Variants in NBAS observed in about 807,000 individuals in gnomAD.
NBAS encodes NBAS subunit of NRZ tethering complex.
Under a neutral mutation model 302.5 loss-of-function variants are expected in NBAS, and 219 were observed. The observed-to-expected ratio is 0.72, with a 90% CI of 0.65 to 0.81. NBAS has a LOEUF of 0.81. Among genes scored for constraint, NBAS ranks in the 30% least tolerant of loss-of-function variants. The pLI is 0.00. For missense variants in NBAS, 2,932 were observed against 2,841.6 expected (o/e 1.03, Z -0.72); for synonymous variants, 1,118 against 1,021.6 (o/e 1.09, Z -1.80).
At chr2:15,128,527 C>G in the NBAS span, among the ~76,000 whole-genome samples, 1 of 152,148 alleles carries the variant, frequency 6.6e-6, no homozygotes, top group East Asian at 1.9e-4. Context: ...AGAGATGAGA[C>G]ACACACATAA....
the NBAS span, among the ~76,000 whole-genome samples, chr2:14,937,734 G>A: frequency 7.9e-5 from 12 of 152,280 alleles, no homozygotes; most frequent in East Asian, 1.9e-4. Context: ...AGGGGGCTCC[G>A]AGGCTTCTTG....
intron 21 of NBAS, among the ~76,000 whole-genome samples, chr2:15,457,164 C>T (rs7572509): frequency 0.51 from 76,704 of 151,778 alleles, 22,862 homozygotes; most frequent in Non-Finnish European, 0.67. Flanking sequence ...AGCCTCCTAA[C>T]AGCTGGCTGA....
intron 44 of NBAS, among the ~76,000 whole-genome samples, chr2:15,239,734 A>G (rs1238757862): frequency 1.3e-5 from 2 of 151,994 alleles, no homozygotes; most frequent in East Asian, 1.9e-4. Flanking sequence ...TGTTAGGATT[A>G]TGAGCTATTT....
At chr2:15,133,007 TAA>T in the NBAS span, among the ~76,000 whole-genome samples, 8 of 152,324 alleles carry the variant, frequency 5.3e-5, 1 homozygote, top group South Asian at 1.7e-3. Flanking sequence ...GAATAAGAAA[TAA>T]GTTATCAAAA....
At chr2:15,486,232 T>C (rs562464647) in intron 12 of NBAS, among the ~76,000 whole-genome samples, 1 of 152,288 alleles carries the variant, frequency 6.6e-6, no homozygotes, top group African/African-American at 2.4e-5. Flanking sequence ...ACGTCCATGG[T>C]TTTCAGTTTT....
At chr2:15,019,942 T>A in the NBAS span, among the ~76,000 whole-genome samples, 1 of 152,168 alleles carries the variant, frequency 6.6e-6, no homozygotes, top group Admixed American at 6.5e-5. Context: ...AACTCTATAG[T>A]ACTTTGTTAT....
the NBAS span, among the ~76,000 whole-genome samples, chr2:14,797,287 C>T: frequency 6.6e-6 from 1 of 152,116 alleles, no homozygotes; most frequent in Admixed American, 6.5e-5. Flanking sequence ...CATGTAACCT[C>T]ATTCTTCTTG....
chr2:15,155,974 G>A, the NBAS span, among the ~76,000 whole-genome samples: 1 of 152,186 alleles, frequency 6.6e-6, no homozygotes, highest in South Asian at 2.1e-4. Context: ...GAACAAGGAA[G>A]AACCCAGAGT....
At chr2:14,790,649 C>CT in the NBAS span, among the ~76,000 whole-genome samples, 15,027 of 124,386 alleles carry the variant, frequency 0.12, 1,028 homozygotes, top group Non-Finnish European at 0.14. Context: ...GAATTCATGC[C>CT]TTTTTTTTTT....
At chr2:14,792,451 T>C in the NBAS span, among the ~76,000 whole-genome samples, 1 of 152,134 alleles carries the variant, frequency 6.6e-6, no homozygotes, top group South Asian at 2.1e-4. Flanking sequence ...GGGATGTAGC[T>C]TTTCATTGCT....
chr2:15,257,486 G>T (rs925251386), intron 44 of NBAS, among the ~76,000 whole-genome samples: 2 of 147,632 alleles, frequency 1.4e-5, no homozygotes, highest in South Asian at 2.2e-4. Flanking sequence ...TCTGCCTCCC[G>T]CATTCGAGAG....
At chr2:15,269,114 A>T (rs1041659734) in intron 44 of NBAS, among the ~76,000 whole-genome samples, 3 of 152,156 alleles carry the variant, frequency 2.0e-5, no homozygotes, top group Non-Finnish European at 4.4e-5. Flanking sequence ...TTCTGAGTCA[A>T]GTGAGATTCC....
At chr2:15,262,329 AC>A (rs1010153586) in intron 44 of NBAS, among the ~76,000 whole-genome samples, 1 of 152,226 alleles carries the variant, frequency 6.6e-6, no homozygotes, top group African/African-American at 2.4e-5. Context: ...TGCTGCTTGC[AC>A]AGCCAGCCCT....
At chr2:15,040,571 G>A in the NBAS span, among the ~76,000 whole-genome samples, 1 of 152,222 alleles carries the variant, frequency 6.6e-6, no homozygotes, top group African/African-American at 2.4e-5. Context: ...GTGAACTTAT[G>A]CTGTCTAGAC....
At chr2:15,114,163 G>A in the NBAS span, among the ~76,000 whole-genome samples, 4 of 152,184 alleles carry the variant, frequency 2.6e-5, no homozygotes. Context: ...GGTGGAGAAT[G>A]GTGGTATAAG....
At chr2:15,217,288 T>C (rs910450762) in intron 48 of NBAS, among the ~76,000 whole-genome samples, 3 of 152,240 alleles carry the variant, frequency 2.0e-5, no homozygotes, top group Non-Finnish European at 2.9e-5. Flanking sequence ...TTGACAAGAA[T>C]AGAGAATCTT....
At chr2:15,540,131 T>A (rs955229435) in intron 6 of NBAS, among the ~76,000 whole-genome samples, 1 of 152,246 alleles carries the variant, frequency 6.6e-6, no homozygotes, top group Non-Finnish European at 1.5e-5. Flanking sequence ...TTTCATCTTA[T>A]TGGAATCTCA....
At chr2:15,083,003 G>A in the NBAS span, among the ~76,000 whole-genome samples, 1 of 152,194 alleles carries the variant, frequency 6.6e-6, no homozygotes, top group African/African-American at 2.4e-5. Context: ...ACCATGTTTT[G>A]GGGGGTTATT....
chr2:15,204,846 C>CTGGG (rs1666064807), intron 48 of NBAS, among the ~76,000 whole-genome samples: 1 of 152,048 alleles, frequency 6.6e-6, no homozygotes, highest in Non-Finnish European at 1.5e-5. Context: ...ACATCATACA[C>CTGGG]TGGGGCCTGT....
Sources: allele counts gnomAD v4.1 joint callset (sites outside exome capture counted in the v4.1 genomes callset), GRCh38; gene constraint gnomAD v4.1.1; transcripts MANE v1.5; gene names NCBI Gene and HGNC (gene_info 2026-07-23, HGNC 2026-07-21).